The following HEPH variants were observed in gnomAD, a reference collection of about 807,000 sequenced individuals.
The protein encoded by HEPH is hephaestin.
In HEPH, 69 loss-of-function variants were observed where a neutral mutation model predicts 80.8. The observed-to-expected ratio is 0.85, with a 90% CI of 0.70 to 1.04. The LOEUF is 1.04. HEPH is among the 50% of genes least tolerant of loss of function. The probability of loss-of-function intolerance (pLI) is 0.00; values close to 1 mark genes in which losing one functional copy is unlikely to be tolerated. For missense variants in HEPH, 1,115 were observed against 891.3 expected (o/e 1.25, Z -3.20); for synonymous variants, 431 against 322.8 (o/e 1.34, Z -3.60).
chrX:66,195,039 T>G, intron 8 of HEPH, 59 bp from the exon 9 acceptor site: 1 of 985,636 alleles, frequency 1.0e-6, no homozygotes, highest in East Asian at 3.5e-5. Flanking sequence ...TTCTTCCATT[T>G]CCTTCCTCCC....
intron 5 of HEPH, 74 bp downstream of exon 5, chrX:66,188,615 T>G: frequency 1.1e-6 from 1 of 917,345 alleles, no homozygotes; most frequent in Non-Finnish European, 1.5e-6. Flanking sequence ...TAGTATTTGG[T>G]GGATGCTTTC....
chrX:66,247,249 G>A (rs2090846996), intron 15 of HEPH, among the ~76,000 whole-genome samples: 2 of 109,613 alleles, frequency 1.8e-5, no homozygotes, highest in African/African-American at 6.7e-5. Flanking sequence ...TATTGTTTCA[G>A]ATGTTTTTTC....
chrX:66,170,667 C>T lies in HEPH; in HGVS notation c.97C>T (p.Arg33Trp), dbSNP rs201897918. 2.1e-5 allele frequency: 25 copies of T among 1,208,657 alleles called. No individual in the cohort carries two copies. In the Middle Eastern group the frequency reaches 1.6e-3, roughly 78 times the overall value. ...CACTCGAGTCTACTACCTGGGCATC[C>T]GGGATGTGCAGTGGAACTATGCTCC... ...GATRVYYLGI[R>W]DVQWNYAPKG... The change falls in exon 2 of 21, where the codon CGG becomes TGG. Residue 33 changes from arginine (R) to tryptophan (W), a missense_variant. Around this residue, in one of 3 missense-constraint regions of HEPH, gnomAD observed 391 missense variants for 343.6 expected, o/e 1.14. Coordinates refer to ENST00000343002, the MANE Select transcript of HEPH (RefSeq NM_001367233.3).
At chrX:66,213,115 T>A (rs190612600) in intron 15 of HEPH, among the ~76,000 whole-genome samples, 2 of 109,713 alleles carry the variant, frequency 1.8e-5, no homozygotes, top group African/African-American at 6.6e-5. Context: ...ACATGTGACA[T>A]GCTGGTGCGC....
At chrX:66,194,585 G>T (rs2087986527) in intron 8 of HEPH, among the ~76,000 whole-genome samples, 1 of 111,969 alleles carries the variant, frequency 8.9e-6, no homozygotes, top group Admixed American at 9.5e-5. Flanking sequence ...ACCTAGTACA[G>T]TGCCTGGATA....
In HEPH at chrX:66,262,024, G is replaced by A. The variant is rs762482949; in HGVS notation, c.3200-1620G>A. 4.5e-5 allele frequency among the ~76,000 whole-genome samples: 5 copies of A among 112,163 alleles called. No homozygotes were observed. In the South Asian group the frequency reaches 1.9e-3, roughly 42 times the overall value. On this transcript the variant is annotated intron_variant, in intron 19 of 20. Coordinates refer to ENST00000343002, the MANE Select transcript of HEPH (RefSeq NM_001367233.3). The stretch of plus-strand genomic sequence containing the variant: ...AGACCATTTCAATACATATTGCCAG[G>A]GTACTTCCATGAGGAAGGATAGCTC...
At chrX:66,248,103 GTTA>G (rs1349378138) in intron 15 of HEPH, among the ~76,000 whole-genome samples, 1 of 109,757 alleles carries the variant, frequency 9.1e-6, no homozygotes, top group African/African-American at 3.3e-5. Flanking sequence ...AAGTCCTATG[GTTA>G]TTATTTCTCT....
chrX:66,233,063 GCTTA>G (rs967030251), intron 15 of HEPH, among the ~76,000 whole-genome samples: 2 of 111,062 alleles, frequency 1.8e-5, no homozygotes, highest in African/African-American at 6.5e-5. Context: ...CAAAAAATGG[GCTTA>G]CTTAAGTAAA....
At chrX:66,191,377 G>A (rs2087780055) in intron 6 of HEPH, among the ~76,000 whole-genome samples, 1 of 112,063 alleles carries the variant, frequency 8.9e-6, no homozygotes, top group East Asian at 2.8e-4. Flanking sequence ...CATAATACAT[G>A]TTGAAGAAAA....
At chrX:66,181,024 G>T (rs1477207802) in intron 4 of HEPH, among the ~76,000 whole-genome samples, 1 of 89,779 alleles carries the variant, frequency 1.1e-5, no homozygotes, top group Non-Finnish European at 2.2e-5. Context: ...CAAAGGACAT[G>T]AACTCATCAT....
chrX:66,268,238 A>G (rs1192664595), downstream of HEPH: 1 of 112,011 alleles, frequency 8.9e-6, no homozygotes, highest in Non-Finnish European at 1.9e-5. Context: ...ATTGATTCCA[A>G]CTTTTCTGTC....
intron 15 of HEPH, among the ~76,000 whole-genome samples, chrX:66,229,519 G>A (rs1170888455): frequency 6.3e-5 from 7 of 111,604 alleles, no homozygotes. Flanking sequence ...CTCAGGTGAT[G>A]GGTGCACAAA....
intron 4 of HEPH, among the ~76,000 whole-genome samples, chrX:66,186,556 C>T (rs1038118384): frequency 1.1e-4 from 12 of 112,927 alleles, no homozygotes; most frequent in East Asian, 2.8e-4. Context: ...TGCCCTGCTT[C>T]GGCTCGCGCA....
rs1443847525 is a variant in HEPH, at chrX:66,203,470, C to T, written c.2184C>T (p.Arg728=). The T allele has an allele frequency of 1.7e-6, 2 of 1,211,117 alleles. No homozygotes were observed. Among genetic ancestry groups the T allele is most frequent in the Admixed American group, 4.3e-5 (2 of 46,004 alleles). The stretch of plus-strand genomic sequence containing the variant: ...GCCACCAAGCCACCCCTCGCCAACG[C>T]TACCAAGCTGCAAGAATCTACTATA... ...CPGHQATPRQ[R]YQAARIYYIM... Residue 728 remains arginine, a synonymous_variant, in exon 13 of 21, where the codon CGC becomes CGT. Coordinates refer to ENST00000343002, the MANE Select transcript of HEPH (RefSeq NM_001367233.3).
intron 15 of HEPH, among the ~76,000 whole-genome samples, chrX:66,236,203 A>G (rs924443608): frequency 9.0e-6 from 1 of 111,462 alleles, no homozygotes; most frequent in African/African-American, 3.3e-5. Flanking sequence ...AAGGGACAAA[A>G]GGTGGTTTCC....
intron 6 of HEPH, among the ~76,000 whole-genome samples, chrX:66,191,393 AT>A (rs1248890200): frequency 9.0e-6 from 1 of 111,719 alleles, no homozygotes; most frequent in Non-Finnish European, 1.9e-5. Context: ...GAAAATAAAT[AT>A]TTTTTCCTCT....
chrX:66,200,794 T>G, intron 12 of HEPH, 42 bp downstream of exon 12: 1 of 1,070,085 alleles, frequency 9.3e-7, no homozygotes, highest in Non-Finnish European at 1.3e-6. Context: ...TTGTTGGGTA[T>G]AGGGCCAGGA....
intron 15 of HEPH, among the ~76,000 whole-genome samples, chrX:66,241,164 T>C (rs1000708495): frequency 2.7e-5 from 3 of 112,250 alleles, no homozygotes; most frequent in Non-Finnish European, 3.8e-5. Flanking sequence ...CCAACTTACA[T>C]GAATAGTCCA....
At position 66,170,766 on chromosome X, in the gene HEPH, G is replaced by A. The variant is rs749514600; in HGVS notation, c.167+29G>A. 12 of 1,152,438 alleles carry A rather than the reference G, an allele frequency of 1.0e-5. No individual in the cohort carries two copies. The African/African-American group carries it at 2.1e-4, about 21-fold the overall frequency. The allele number at this position is 1,152,438 out of a possible 1,213,427, so 95.0% of individuals were successfully genotyped here. A position where few individuals can be genotyped will look rare whatever the true frequency, so the allele number is the denominator to read the frequency against. On this transcript the variant is annotated intron_variant, in intron 2 of 20. Transcript: ENST00000343002. ...GGTTTAATTTCTTGTGGTATTTGAG[G>A]GGAAGTTATGGGAGCACTCTTGAGG...
Sources: gnomAD v4.1 joint callset for allele counts (sites outside exome capture counted in the v4.1 genomes callset) on GRCh38, gnomAD v4.1.1 for gene constraint, gnomAD v4.1.1 regional missense constraint, MANE v1.5 for transcripts, NCBI Gene and HGNC (gene_info 2026-07-23, HGNC 2026-07-21) for gene names.